The following MARCHF1 variants were observed in gnomAD, a reference collection of about 807,000 sequenced individuals.
MARCHF1 encodes the protein membrane associated ring-CH-type finger 1, also known as E3 ubiquitin-protein ligase MARCHF1.
MARCHF1 carries 40 observed loss-of-function variants against 54.2 expected under a neutral mutation model. The observed-to-expected ratio is 0.74, with a 90% confidence interval of 0.57 to 0.96. The LOEUF is 0.96. Ranked by LOEUF, MARCHF1 falls within the 40% of genes least tolerant of loss-of-function variation. MARCHF1 has a pLI of 0.00. For missense variants in MARCHF1, 586 were observed against 656.5 expected, an observed-to-expected ratio of 0.89 and a Z score of 1.17; for synonymous variants, 236 against 236.3, an observed-to-expected ratio of 1.00 and a Z score of 0.01.
chr4:163,883,256 TATGAGAGA>T (rs1750456799), intron 3 of MARCHF1, among the ~76,000 whole-genome samples: 1 of 30,400 alleles, frequency 3.3e-5, no homozygotes, highest in African/African-American at 6.5e-5. Flanking sequence ...TATATATATA[TATGAGAGA>T]GAGAGAGAGA....
chr4:164,192,452 G>T (rs146083972), intron 1 of MARCHF1, among the ~76,000 whole-genome samples: 389 of 152,154 alleles, frequency 2.6e-3, no homozygotes, highest in African/African-American at 9.0e-3. Context: ...AATCATTCAG[G>T]CAGCCAATAC....
At chr4:164,043,288 T>C (rs898092554) in intron 2 of MARCHF1, among the ~76,000 whole-genome samples, 1 of 152,210 alleles carries the variant, frequency 6.6e-6, no homozygotes, top group Non-Finnish European at 1.5e-5. Flanking sequence ...GGCATTTCCA[T>C]ACATCCTCTG....
intron 7 of MARCHF1, among the ~76,000 whole-genome samples, chr4:163,586,139 C>T (rs1740405108): frequency 1.3e-5 from 2 of 152,152 alleles, no homozygotes; most frequent in African/African-American, 4.8e-5. Flanking sequence ...ATCTGAAATG[C>T]TCCAAAATCC....
At chr4:164,355,996 C>G (rs1578893367) in intron 1 of MARCHF1, among the ~76,000 whole-genome samples, 1 of 127,722 alleles carries the variant, frequency 7.8e-6, no homozygotes, top group South Asian at 2.4e-4. Context: ...ATTTATGCAG[C>G]CAAAAAACAC....
intron 4 of MARCHF1, among the ~76,000 whole-genome samples, chr4:163,772,659 C>T (rs1417969655): frequency 6.6e-6 from 1 of 152,150 alleles, no homozygotes; most frequent in African/African-American, 2.4e-5. Flanking sequence ...TTCATTGAAT[C>T]CTTCTTATAC....
chr4:163,607,006 C>T (rs1334566560), intron 7 of MARCHF1, among the ~76,000 whole-genome samples: 1 of 152,010 alleles, frequency 6.6e-6, no homozygotes, highest in African/African-American at 2.4e-5. Flanking sequence ...CCCGAAGCTA[C>T]CTCTGGCCAG....
chr4:163,656,700 A>T (rs984356926), intron 5 of MARCHF1, among the ~76,000 whole-genome samples: 20 of 152,144 alleles, frequency 1.3e-4, no homozygotes, highest in African/African-American at 4.3e-4. Context: ...TAAAAAGCTT[A>T]TCCACCATGA....
chr4:164,325,044 TATAAG>T (rs1395615430), intron 1 of MARCHF1, among the ~76,000 whole-genome samples: 1 of 151,954 alleles, frequency 6.6e-6, no homozygotes, highest in African/African-American at 2.4e-5. Context: ...TTATTTGCCT[TATAAG>T]ATATTACAAG....
intron 1 of MARCHF1, chr4:164,197,386 TCTAA>T (rs746243569): frequency 1.9e-6 from 3 of 1,613,336 alleles, no homozygotes; most frequent in East Asian, 2.2e-5. Flanking sequence ...CTTGAGGTTT[TCTAA>T]CTGTTTCAGT....
intron 5 of MARCHF1, among the ~76,000 whole-genome samples, chr4:163,690,255 G>A (rs1033398921): frequency 6.6e-6 from 1 of 152,162 alleles, no homozygotes; most frequent in African/African-American, 2.4e-5. Context: ...AAATTGCTTT[G>A]ACCTTGGACT....
At chr4:164,069,808 T>C (rs1486419619) in intron 2 of MARCHF1, among the ~76,000 whole-genome samples, 4 of 152,162 alleles carry the variant, frequency 2.6e-5, no homozygotes, top group Non-Finnish European at 5.9e-5. Context: ...AAAAGACACA[T>C]GAACTTGTAT....
At chr4:163,865,875 A>G (rs1452794835) in intron 3 of MARCHF1, among the ~76,000 whole-genome samples, 6 of 151,206 alleles carry the variant, frequency 4.0e-5, no homozygotes, top group Admixed American at 6.6e-5. Flanking sequence ...ATTTTGCAAA[A>G]CCCTAAAGAT....
intron 1 of MARCHF1, among the ~76,000 whole-genome samples, chr4:164,370,252 GA>G (rs940514618): frequency 2.0e-5 from 3 of 152,334 alleles, no homozygotes; most frequent in African/African-American, 7.2e-5. Context: ...TGGTGAGGGT[GA>G]AAAGAAGAAA....
At chr4:164,040,329 C>T (rs1217097942) in intron 2 of MARCHF1, among the ~76,000 whole-genome samples, 2 of 136,556 alleles carry the variant, frequency 1.5e-5, no homozygotes, top group Non-Finnish European at 3.1e-5. Context: ...TGTATAAATA[C>T]TTATACAATA....
At position 163,716,524 on chromosome 4, in the gene MARCHF1, T is replaced by C. The variant is rs144509941; in HGVS notation, c.112-15661A>G. 2.6e-5 allele frequency among the ~76,000 whole-genome samples: 4 copies of C among 152,246 alleles called. No individual in the cohort carries two copies. The East Asian group carries it at 7.7e-4, about 29-fold the overall frequency. On this transcript the variant is annotated intron_variant, in intron 4 of 9. Coordinates refer to ENST00000514618, the MANE Select transcript of MARCHF1 (RefSeq NM_001394959.1). Reference sequence around the variant, plus strand: ...GGCAGAAGCTCAACTTACAAACAGGTATAGAGAATTAATAATGTTAAATTA... The same window carrying C: ...GGCAGAAGCTCAACTTACAAACAGGCATAGAGAATTAATAATGTTAAATTA...
chr4:163,926,246 C>A (rs970645692), intron 3 of MARCHF1, among the ~76,000 whole-genome samples: 2 of 151,614 alleles, frequency 1.3e-5, no homozygotes, highest in South Asian at 2.1e-4. Flanking sequence ...TAAATGAAAT[C>A]ATATATTATG....
chr4:164,151,159 TA>T (rs1253731937), intron 1 of MARCHF1, among the ~76,000 whole-genome samples: 1 of 138,934 alleles, frequency 7.2e-6, no homozygotes, highest in Non-Finnish European at 1.5e-5. Context: ...TCTAAGAAAA[TA>T]AATGTGAATT....
At chr4:164,329,532 A>G (rs995488590) in intron 1 of MARCHF1, among the ~76,000 whole-genome samples, 1 of 152,230 alleles carries the variant, frequency 6.6e-6, no homozygotes, top group African/African-American at 2.4e-5. Context: ...TTCAGAGGGT[A>G]TATTAGGCCA....
At chr4:164,360,866 G>T (rs927699341) in intron 1 of MARCHF1, among the ~76,000 whole-genome samples, 7 of 152,006 alleles carry the variant, frequency 4.6e-5, no homozygotes, top group Non-Finnish European at 7.4e-5. Context: ...ACCCATAATT[G>T]GTAGTAAACT....
Sources: allele counts gnomAD v4.1 joint callset (sites outside exome capture counted in the v4.1 genomes callset), GRCh38; gene constraint gnomAD v4.1.1; transcripts MANE v1.5; gene names NCBI Gene and HGNC (gene_info 2026-07-23, HGNC 2026-07-21).